The following RAP1GDS1 variants were observed in gnomAD, a reference collection of about 807,000 sequenced individuals.
RAP1GDS1 encodes the protein Rap1 GTPase-GDP dissociation stimulator 1.
A neutral mutation model predicts 71.1 loss-of-function variants in RAP1GDS1; 35 were observed. The ratio of observed to expected loss-of-function variants is 0.49; its 90% CI spans 0.38 to 0.65. RAP1GDS1 has a LOEUF of 0.65. RAP1GDS1 is among the 30% of genes least tolerant of loss of function. The pLI, the probability that RAP1GDS1 is intolerant of heterozygous loss-of-function variation, is 0.00. For missense variants in RAP1GDS1, 663 were observed against 706.1 expected, an observed-to-expected ratio of 0.94 and a Z score of 0.69; for synonymous variants, 229 against 243.1, an observed-to-expected ratio of 0.94 and a Z score of 0.54.
chr4:98,286,822 G>GT (rs1726103168), intron 1 of RAP1GDS1, among the ~76,000 whole-genome samples: 2 of 150,158 alleles, frequency 1.3e-5, no homozygotes, highest in South Asian at 4.2e-4. Context: ...GGAGGTGGAG[G>GT]TTGTAGTGAG....
chr4:98,341,495 C>A (rs79468093), intron 2 of RAP1GDS1, among the ~76,000 whole-genome samples: 1 of 152,150 alleles, frequency 6.6e-6, no homozygotes, highest in African/African-American at 2.4e-5. Flanking sequence ...GTTAACTGCT[C>A]GCCTCCACAC....
intron 7 of RAP1GDS1, among the ~76,000 whole-genome samples, chr4:98,407,558 T>G (rs1746315129): frequency 6.6e-6 from 1 of 152,058 alleles, no homozygotes; most frequent in Non-Finnish European, 1.5e-5. Flanking sequence ...TAAATGGAAC[T>G]AGAGGGCATT....
intron 7 of RAP1GDS1, 94 bp from the exon 8 acceptor site, chr4:98,416,651 T>C: frequency 8.0e-7 from 1 of 1,244,978 alleles, no homozygotes; most frequent in Non-Finnish European, 1.1e-6. Context: ...CACCTGGCCC[T>C]CTTAGTTTCT....
chr4:98,338,056 G>A (rs1734950282), intron 2 of RAP1GDS1, among the ~76,000 whole-genome samples: 1 of 152,108 alleles, frequency 6.6e-6, no homozygotes, highest in Non-Finnish European at 1.5e-5. Context: ...GGAGGCTATT[G>A]CATTTAACAA....
intron 3 of RAP1GDS1, among the ~76,000 whole-genome samples, chr4:98,350,513 C>A (rs561305057): frequency 6.6e-6 from 1 of 152,062 alleles, no homozygotes; most frequent in African/African-American, 2.4e-5. Context: ...TCGACACCAG[C>A]CAGGGCAGCA....
Position 98,330,824 on chromosome 4 carries a change from G to A in RAP1GDS1, c.113-12315G>A, listed in dbSNP as rs181192911. 7.9e-3 allele frequency among the ~76,000 whole-genome samples: 1,197 copies of A among 151,968 alleles called. 10 individuals are homozygous for A. The highest frequency in any genetic ancestry group is 0.013 in the Non-Finnish European group (901 of 67,908). ...TCCTCACTTCCCAGACTGGGTGGCC[G>A]GGCAGAGGGGCTCCTCACATCCCAG... On this transcript the variant is annotated intron_variant, in intron 2 of 14. Coordinates refer to ENST00000408927, the MANE Select transcript of RAP1GDS1 (RefSeq NM_001100427.2).
chr4:98,374,704 A>C (rs754788922), intron 4 of RAP1GDS1, among the ~76,000 whole-genome samples: 28 of 152,144 alleles, frequency 1.8e-4, no homozygotes, highest in Non-Finnish European at 3.7e-4. Context: ...TGCTCACCTT[A>C]CTTGAGTGCA....
chr4:98,407,415 A>T (rs536773131), intron 7 of RAP1GDS1, among the ~76,000 whole-genome samples: 1 of 152,324 alleles, frequency 6.6e-6, no homozygotes, highest in South Asian at 2.1e-4. Context: ...AAGATAGGGT[A>T]TCAACCTAAG....
chr4:98,332,237 G>T (rs10014088), intron 2 of RAP1GDS1, among the ~76,000 whole-genome samples: 20,437 of 152,172 alleles, frequency 0.13, 1,934 homozygotes, highest in African/African-American at 0.26. Flanking sequence ...ATAGAGGAAT[G>T]TAAACAATAA....
At chr4:98,379,241 A>G (rs947046922) in intron 5 of RAP1GDS1, 78 bp downstream of exon 5, 2 of 1,255,670 alleles carry the variant, frequency 1.6e-6, no homozygotes, top group Non-Finnish European at 2.1e-6. Context: ...AAACAAAAAT[A>G]TTTGAAAAAT....
At chr4:98,363,478 C>CA (rs34393905) in intron 4 of RAP1GDS1, among the ~76,000 whole-genome samples, 2,846 of 37,682 alleles carry the variant, frequency 0.076, 633 homozygotes, top group Non-Finnish European at 0.11. Flanking sequence ...GACCCTGTCT[C>CA]AAAAAAAAAA....
chr4:98,405,432 G>T (rs1410825743), intron 7 of RAP1GDS1, among the ~76,000 whole-genome samples: 1 of 152,048 alleles, frequency 6.6e-6, no homozygotes, highest in Non-Finnish European at 1.5e-5. Flanking sequence ...TAAAAGGAAA[G>T]AAGAACACAT....
chr4:98,417,559 G>T (rs1748206013), intron 9 of RAP1GDS1, 61 bp downstream of exon 9: 1 of 1,526,002 alleles, frequency 6.6e-7, no homozygotes, highest in Non-Finnish European at 9.0e-7. Context: ...TTTTTGCTTT[G>T]CTACCACATA....
At chr4:98,350,922 G>A (rs529175351) in intron 3 of RAP1GDS1, among the ~76,000 whole-genome samples, 1 of 152,268 alleles carries the variant, frequency 6.6e-6, no homozygotes, top group South Asian at 2.1e-4. Flanking sequence ...GGTCAGGGAG[G>A]ATCCCTTAAG....
intron 4 of RAP1GDS1, among the ~76,000 whole-genome samples, chr4:98,360,299 A>G (rs538791255): frequency 1.4e-4 from 21 of 152,296 alleles, no homozygotes; most frequent in Admixed American, 3.3e-4. Flanking sequence ...TGGCAAAAAT[A>G]TTAGATGATT....
At chr4:98,367,657 C>CA (rs1226994215) in intron 4 of RAP1GDS1, among the ~76,000 whole-genome samples, 1 of 152,202 alleles carries the variant, frequency 6.6e-6, no homozygotes, top group Non-Finnish European at 1.5e-5. Context: ...CTTGCATCAG[C>CA]GTGACTTGGA....
chr4:98,337,769 A>G (rs1734909709), intron 2 of RAP1GDS1, among the ~76,000 whole-genome samples: 1 of 152,168 alleles, frequency 6.6e-6, no homozygotes, highest in African/African-American at 2.4e-5. Context: ...GAGAGGGAAC[A>G]TCATGTGCAG....
In RAP1GDS1 at chr4:98,381,887, T is replaced by C. The variant is rs1742077123; in HGVS notation, c.508+2724T>C. 2.0e-5 allele frequency among the ~76,000 whole-genome samples: 3 copies of C among 151,538 alleles called. No individual in the cohort carries two copies. In the South Asian group the frequency reaches 6.2e-4, roughly 31 times the overall value. On this transcript the variant is annotated intron_variant, in intron 5 of 14. Coordinates refer to ENST00000408927, the MANE Select transcript of RAP1GDS1 (RefSeq NM_001100427.2). ...CAAAAATCCACCAACATAGTTTCCC[T>C]GAAGAGAATATTTTCAAATTATTTA...
chr4:98,316,041 A>T (rs749405483), intron 2 of RAP1GDS1, among the ~76,000 whole-genome samples: 71 of 150,934 alleles, frequency 4.7e-4, no homozygotes, highest in Non-Finnish European at 9.1e-4. Flanking sequence ...TTGTAGTGAT[A>T]CCAGGTAACA....
Sources: gnomAD v4.1 joint callset for allele counts (sites outside exome capture counted in the v4.1 genomes callset) on GRCh38, gnomAD v4.1.1 for gene constraint, MANE v1.5 for transcripts, NCBI Gene and HGNC (gene_info 2026-07-23, HGNC 2026-07-21) for gene names.